The following KCNMA1 variants were observed in gnomAD, a reference collection of about 807,000 sequenced individuals.
KCNMA1 encodes the protein Calcium-activated potassium channel subunit alpha-1.
KCNMA1 carries 29 observed loss-of-function variants against 140.0 expected under a neutral mutation model. The ratio of observed to expected loss-of-function variants is 0.21; its 90% confidence interval spans 0.15 to 0.28. KCNMA1 has a LOEUF of 0.28. Ranked by LOEUF, KCNMA1 falls within the 10% of genes least tolerant of loss-of-function variation. KCNMA1 has a pLI of 1.00. For synonymous variants in KCNMA1, 612 were observed against 611.9 expected, an observed-to-expected ratio of 1.00 and a Z score of 0.00; for missense variants, 880 against 1,602.2, an observed-to-expected ratio of 0.55 and a Z score of 7.70.
At chr10:77,477,292 T>C (rs905016418) in intron 1 of KCNMA1, among the ~76,000 whole-genome samples, 12 of 152,238 alleles carry the variant, frequency 7.9e-5, no homozygotes, top group Non-Finnish European at 1.6e-4. Context: ...AGAATTCTAT[T>C]TTCCCACACT....
At chr10:77,462,170 G>A (rs370974586) in intron 1 of KCNMA1, among the ~76,000 whole-genome samples, 54 of 151,466 alleles carry the variant, frequency 3.6e-4, no homozygotes, top group African/African-American at 1.1e-3. Flanking sequence ...AATGAAACAG[G>A]CACACAGACA....
intron 3 of KCNMA1, among the ~76,000 whole-genome samples, chr10:77,244,552 C>T (rs151304811): frequency 2.9e-3 from 437 of 152,288 alleles, no homozygotes; most frequent in Non-Finnish European, 4.8e-3. Flanking sequence ...TGAACTTTGA[C>T]GTAAATGAAA....
At chr10:77,043,065 T>C (rs998979466) in intron 14 of KCNMA1, among the ~76,000 whole-genome samples, 1 of 152,232 alleles carries the variant, frequency 6.6e-6, no homozygotes, top group Non-Finnish European at 1.5e-5. Flanking sequence ...CTGTGGCTAA[T>C]CAAAATGCTT....
intron 2 of KCNMA1, among the ~76,000 whole-genome samples, chr10:77,332,901 C>T (rs1439867918): frequency 6.6e-6 from 1 of 152,204 alleles, no homozygotes. Flanking sequence ...ATACATGCAC[C>T]TGTGTGTTAA....
rs1396965955 is a variant in KCNMA1, at chr10:77,387,593, T to TTTTC, written c.540+16265_540+16268dup. Among the ~76,000 whole-genome samples, 258 of 150,736 alleles carry TTTTC rather than the reference T, an allele frequency of 1.7e-3. 2 individuals carry two copies. Among genetic ancestry groups the TTTTC allele is most frequent in the Middle Eastern group, 0.014 (4 of 292 alleles). ...TTTCTTTTTTTTCTTTTCTCTTTTC[T>TTTTC]TTTCTTTTCTTTTCTTTCTTTTCTT... On this transcript the variant is annotated intron_variant, in intron 2 of 27. Coordinates refer to ENST00000286628, the MANE Select transcript of KCNMA1 (RefSeq NM_001161352.2).
chr10:77,069,825 T>C (rs547295685), intron 14 of KCNMA1, among the ~76,000 whole-genome samples: 3 of 152,086 alleles, frequency 2.0e-5, no homozygotes, highest in Non-Finnish European at 2.9e-5. Context: ...TTTTCTTTCT[T>C]TTTTGGAGAC....
chr10:77,419,536 G>A (rs150560375), intron 1 of KCNMA1, among the ~76,000 whole-genome samples: 45 of 152,284 alleles, frequency 3.0e-4, no homozygotes, highest in African/African-American at 1.0e-3. Flanking sequence ...CGTCAAAGGT[G>A]AGACGCCAGC....
At chr10:77,413,313 C>T (rs176287) in intron 1 of KCNMA1, among the ~76,000 whole-genome samples, 75,030 of 151,876 alleles carry the variant, frequency 0.49, 19,218 homozygotes, top group South Asian at 0.56. Flanking sequence ...TCCTCTCCTT[C>T]GCCTCAGGTT....
intron 3 of KCNMA1, among the ~76,000 whole-genome samples, chr10:77,231,599 C>A (rs553690002): frequency 6.6e-6 from 1 of 152,256 alleles, no homozygotes; most frequent in Admixed American, 6.5e-5. Context: ...TGGTCAACAA[C>A]CTAAGAGTCA....
At chr10:77,601,704 T>C (rs190537262) in intron 1 of KCNMA1, among the ~76,000 whole-genome samples, 1 of 152,276 alleles carries the variant, frequency 6.6e-6, no homozygotes, top group African/African-American at 2.4e-5. Flanking sequence ...ATTACCATGG[T>C]GTCTCCTCTC....
intron 13 of KCNMA1, among the ~76,000 whole-genome samples, chr10:77,076,177 A>G (rs529371855): frequency 6.9e-4 from 99 of 142,872 alleles, no homozygotes; most frequent in Non-Finnish European, 1.2e-3. Flanking sequence ...TGGACAGTGG[A>G]AAAAAAAAGC....
intron 2 of KCNMA1, among the ~76,000 whole-genome samples, chr10:77,358,031 C>T (rs1473984926): frequency 1.3e-5 from 2 of 152,102 alleles, no homozygotes; most frequent in Non-Finnish European, 2.9e-5. Context: ...TTCTTGAGGA[C>T]TTTTTCCAGA....
intron 1 of KCNMA1, among the ~76,000 whole-genome samples, chr10:77,411,404 A>G (rs779871815): frequency 6.6e-6 from 1 of 152,206 alleles, no homozygotes; most frequent in Non-Finnish European, 1.5e-5. Context: ...TACTACTAAC[A>G]ATAATTATAC....
chr10:77,145,410 A>ACC (rs2098270831), intron 5 of KCNMA1, among the ~76,000 whole-genome samples: 1 of 152,198 alleles, frequency 6.6e-6, no homozygotes. Context: ...ATTTCTCTGG[A>ACC]CATGTGTCTA....
At chr10:76,956,140 T>C (rs1591865286) in intron 20 of KCNMA1, among the ~76,000 whole-genome samples, 1 of 152,242 alleles carries the variant, frequency 6.6e-6, no homozygotes, top group African/African-American at 2.4e-5. Flanking sequence ...TTTGGTATAC[T>C]TGATTCTTTC....
chr10:76,915,945 G>A (rs1485705306), intron 23 of KCNMA1, among the ~76,000 whole-genome samples: 3 of 151,918 alleles, frequency 2.0e-5, no homozygotes, highest in Non-Finnish European at 4.4e-5. Context: ...AGCTGTCCTG[G>A]AGTTCCTGGG....
At chr10:77,528,695 G>A (rs1035342879) in intron 1 of KCNMA1, among the ~76,000 whole-genome samples, 9 of 151,806 alleles carry the variant, frequency 5.9e-5, no homozygotes, top group African/African-American at 1.9e-4. Flanking sequence ...AGCCAAAGGC[G>A]GAAACAACAC....
At chr10:77,282,015 G>A (rs2068790845) in intron 2 of KCNMA1, among the ~76,000 whole-genome samples, 1 of 152,146 alleles carries the variant, frequency 6.6e-6, no homozygotes, top group South Asian at 2.1e-4. Flanking sequence ...TAACAGGGAG[G>A]TTAACCTCAT....
At chr10:77,004,037 C>T (rs940995979) in intron 18 of KCNMA1, among the ~76,000 whole-genome samples, 1 of 151,900 alleles carries the variant, frequency 6.6e-6, no homozygotes, top group African/African-American at 2.4e-5. Context: ...AACTGGTAAT[C>T]GAAGCAGCAA....
Sources: gnomAD v4.1 joint callset for allele counts (sites outside exome capture counted in the v4.1 genomes callset) on GRCh38, gnomAD v4.1.1 for gene constraint, MANE v1.5 for transcripts, NCBI Gene and HGNC (gene_info 2026-07-23, HGNC 2026-07-21) for gene names.